The following ADAMTSL3 variants were observed in gnomAD, a reference collection of about 807,000 sequenced individuals.
The protein encoded by ADAMTSL3 is ADAMTS like 3, also known as ADAMTS-like protein 3.
In ADAMTSL3, 128 loss-of-function variants were observed where a neutral mutation model predicts 201.7. The ratio of observed to expected loss-of-function variants is 0.63; its 90% CI spans 0.55 to 0.73. The LOEUF is 0.73. Among genes scored for constraint, ADAMTSL3 ranks in the 30% least tolerant of loss-of-function variants. The probability of loss-of-function intolerance (pLI) is 0.00; values close to 1 mark genes in which losing one functional copy is unlikely to be tolerated. For synonymous variants in ADAMTSL3, 738 were observed against 748.4 expected (o/e 0.99, Z 0.23); for missense variants, 1,990 against 2,119.6 (o/e 0.94, Z 1.20).
intron 16 of ADAMTSL3, among the ~76,000 whole-genome samples, chr15:83,916,892 T>C (rs1433761789): frequency 6.6e-6 from 1 of 152,236 alleles, no homozygotes; most frequent in Non-Finnish European, 1.5e-5. Flanking sequence ...AAATAGAACA[T>C]ATTCTTTGCC....
chr15:83,896,922 G>GGA (rs1567221545), intron 13 of ADAMTSL3, among the ~76,000 whole-genome samples: 1 of 152,106 alleles, frequency 6.6e-6, no homozygotes, highest in African/African-American at 2.4e-5. Flanking sequence ...AGCGGGAGAC[G>GGA]GAGAGAGAGC....
intron 2 of ADAMTSL3, among the ~76,000 whole-genome samples, chr15:83,665,150 A>G (rs1050157679): frequency 6.6e-6 from 1 of 152,128 alleles, no homozygotes; most frequent in East Asian, 1.9e-4. Context: ...GGACAAGAGG[A>G]TATGAACGTG....
At chr15:83,957,755 A>G (rs1252337032) in intron 19 of ADAMTSL3, among the ~76,000 whole-genome samples, 2 of 152,202 alleles carry the variant, frequency 1.3e-5, no homozygotes, top group Non-Finnish European at 2.9e-5. Flanking sequence ...TTGAGAGTCT[A>G]TAAAGGTATC....
chr15:83,917,537 C>T (rs1200560627), intron 16 of ADAMTSL3, among the ~76,000 whole-genome samples: 1 of 152,164 alleles, frequency 6.6e-6, no homozygotes, highest in Non-Finnish European at 1.5e-5. Flanking sequence ...TACTCATGTA[C>T]ATCCTGGAAG....
intron 27 of ADAMTSL3, among the ~76,000 whole-genome samples, chr15:84,028,628 G>A (rs1018691047): frequency 5.9e-5 from 9 of 152,192 alleles, no homozygotes; most frequent in South Asian, 4.2e-4. Context: ...AGTCATTTCC[G>A]GACTTAAACC....
At chr15:83,775,714 G>A (rs1330198724) in intron 4 of ADAMTSL3, among the ~76,000 whole-genome samples, 2 of 152,160 alleles carry the variant, frequency 1.3e-5, no homozygotes, top group Admixed American at 1.3e-4. Flanking sequence ...ACTGTTGTGA[G>A]CACTTTGATG....
At chr15:83,703,188 C>G (rs567247850) in intron 2 of ADAMTSL3, among the ~76,000 whole-genome samples, 3 of 152,160 alleles carry the variant, frequency 2.0e-5, no homozygotes, top group African/African-American at 7.2e-5. Context: ...TATCCAATAC[C>G]TATACCCTCA....
intron 4 of ADAMTSL3, among the ~76,000 whole-genome samples, chr15:83,782,217 C>T (rs2063181831): frequency 6.6e-6 from 1 of 152,198 alleles, no homozygotes; most frequent in Admixed American, 6.5e-5. Context: ...TGGCTCATGC[C>T]TGTAATCCCA....
At chr15:83,659,921 A>T (rs998187704) in intron 2 of ADAMTSL3, among the ~76,000 whole-genome samples, 1 of 152,232 alleles carries the variant, frequency 6.6e-6, no homozygotes, top group Non-Finnish European at 1.5e-5. Context: ...AACTGGCTGT[A>T]GTGACACCTT....
At chr15:83,917,700 G>A (rs2066062808) in intron 16 of ADAMTSL3, among the ~76,000 whole-genome samples, 1 of 152,062 alleles carries the variant, frequency 6.6e-6, no homozygotes, top group African/African-American at 2.4e-5. Flanking sequence ...ACACAGGCTA[G>A]GAGTATATAT....
chr15:83,881,613 G>A (rs556286947), intron 9 of ADAMTSL3, among the ~76,000 whole-genome samples: 3 of 152,312 alleles, frequency 2.0e-5, no homozygotes, highest in East Asian at 3.9e-4. Flanking sequence ...CCAGCACTTT[G>A]GGAGGCTGAG....
At chr15:83,694,373 G>A (rs1328739866) in intron 2 of ADAMTSL3, 8 of 152,174 alleles carry the variant, frequency 5.3e-5, no homozygotes, top group Non-Finnish European at 1.2e-4. Context: ...CGGAGAGTGA[G>A]GTAGGGAGTT....
Position 83,890,145 on chromosome 15 carries a change from G to T in ADAMTSL3, c.1109G>T (p.Arg370Leu). Reference sequence around the variant, plus strand: ...AATTCTGCTGAATGTGTGGATATCCGCTTGAAGAGGGTAGTTCCTGACCAT... The same window carrying T: ...AATTCTGCTGAATGTGTGGATATCCTCTTGAAGAGGGTAGTTCCTGACCAT... ...QLNSAECVDIRLKRVVPDHYC... is the reference protein window; with the variant it reads ...QLNSAECVDILLKRVVPDHYC... Residue 370 changes from arginine to leucine, a missense_variant, in exon 11 of 30, where the codon CGC (arginine) becomes CTC (leucine). Arg to Leu is a moderately radical substitution (Grantham distance 102). Coordinates refer to ENST00000286744, the MANE Select transcript of ADAMTSL3 (RefSeq NM_207517.3). 1 of 1,613,448 alleles carries T rather than the reference G, an allele frequency of 6.2e-7. No homozygotes were observed. Among genetic ancestry groups the T allele is most frequent in the South Asian group, 1.1e-5 (1 of 90,928 alleles).
Position 83,991,198 on chromosome 15 carries a change from C to A in ADAMTSL3, c.3957C>A (p.Ile1319=). The A allele has an allele frequency of 6.2e-7, 1 of 1,614,202 alleles. No homozygotes were observed. Among genetic ancestry groups the A allele is most frequent in the Non-Finnish European group, 8.5e-7 (1 of 1,180,024 alleles). Residue 1319 remains isoleucine (I), a synonymous_variant, in exon 23 of 30, where the codon ATC becomes ATA. Coordinates refer to ENST00000286744, the MANE Select transcript of ADAMTSL3 (RefSeq NM_207517.3). Reference sequence around the variant, plus strand: ...CAGCCCTTGGAGCAAACGTGACAATCCGATGTCCTGTAAAAGGTAAGTGTG... The same window carrying A: ...CAGCCCTTGGAGCAAACGTGACAATACGATGTCCTGTAAAAGGTAAGTGTG... ...VEAALGANVT[I]RCPVKGVPQP...
At chr15:83,765,556 A>C (rs767052259) in intron 3 of ADAMTSL3, among the ~76,000 whole-genome samples, 10 of 152,234 alleles carry the variant, frequency 6.6e-5, no homozygotes, top group Non-Finnish European at 1.0e-4. Context: ...AGAACTTGTC[A>C]GGAAAATATT....
intron 10 of ADAMTSL3, among the ~76,000 whole-genome samples, chr15:83,888,606 G>T (rs1014915813): frequency 6.6e-6 from 1 of 152,092 alleles, no homozygotes; most frequent in African/African-American, 2.4e-5. Context: ...AGGTACCGGG[G>T]GTACTTGAAT....
In ADAMTSL3 at chr15:83,869,392, C is replaced by G. The variant is rs138191668; in HGVS notation, c.803-1410C>G. Among the ~76,000 whole-genome samples, 252 of 152,252 alleles carry G rather than the reference C, an allele frequency of 1.7e-3. 3 individuals are homozygous for G. The highest frequency in any genetic ancestry group is 5.8e-3 in the African/African-American group (239 of 41,564). ...AAAAATCTATTGCGGTCATGGAGAT[C>G]AGGGCCAAAGTGGTTGGGGTTTTGT... On this transcript the variant is annotated intron_variant, in intron 8 of 29. Transcript: ENST00000286744.
At chr15:83,741,875 G>A (rs1010501014) in intron 3 of ADAMTSL3, among the ~76,000 whole-genome samples, 4 of 152,098 alleles carry the variant, frequency 2.6e-5, no homozygotes, top group African/African-American at 4.8e-5. Context: ...GGAGGCTGAC[G>A]TGGGAGGATC....
intron 2 of ADAMTSL3, among the ~76,000 whole-genome samples, chr15:83,661,775 A>C (rs998705320): frequency 1.3e-5 from 2 of 151,308 alleles, no homozygotes; most frequent in African/African-American, 2.4e-5. Context: ...CATGAACAGA[A>C]ACTTCTCAAA....
Sources: gnomAD v4.1 joint callset for allele counts (sites outside exome capture counted in the v4.1 genomes callset) on GRCh38, gnomAD v4.1.1 for gene constraint, MANE v1.5 for transcripts, NCBI Gene and HGNC (gene_info 2026-07-23, HGNC 2026-07-21) for gene names.